The following FAM200B variants were observed in gnomAD, a reference collection of about 807,000 sequenced individuals.
FAM200B encodes protein FAM200B.
FAM200B carries 32 observed loss-of-function variants against 33.1 expected under a neutral mutation model. That is an observed-to-expected ratio of 0.97 (90% confidence interval 0.73 to 1.30). FAM200B has a LOEUF of 1.30. FAM200B is among the 50% of genes most tolerant of loss of function. FAM200B has a pLI of 0.00. For synonymous variants in FAM200B, 240 were observed against 264.8 expected (o/e 0.91, Z 0.91); for missense variants, 741 against 754.0 (o/e 0.98, Z 0.20).
At chr4:15,641,291 C>T in the FAM200B span, among the ~76,000 whole-genome samples, 1 of 152,084 alleles carries the variant, frequency 6.6e-6, no homozygotes, top group African/African-American at 2.4e-5. Context: ...ATAGTTGACC[C>T]TTGAACAACA....
chr4:15,656,290 ACT>A, the FAM200B span: 80 of 455,916 alleles, frequency 1.8e-4, no homozygotes, highest in African/African-American at 8.8e-4. Context: ...CCTCCTGGAG[ACT>A]CTGTTCTCTG....
Position 15,688,971 on chromosome 4 carries a change from G to C in FAM200B, c.*20G>C, listed in dbSNP as rs941765612. The C allele has an allele frequency of 2.2e-6, 3 of 1,382,512 alleles. No homozygotes were observed. The highest frequency in any genetic ancestry group is 3.8e-5 in the South Asian group (2 of 52,318). 85.6% of individuals were successfully genotyped at this position (1,382,512 alleles called of 1,614,324 possible). On this transcript the variant is annotated 3_prime_UTR_variant, in exon 2 of 2. Transcript: ENST00000422728. ...TCATAGTAAATAAAAATCTTACCTA[G>C]CTTTTGTCTTTGTATTTCTTATTTT...
At chr4:15,670,313 T>C in the FAM200B span, among the ~76,000 whole-genome samples, 1 of 152,250 alleles carries the variant, frequency 6.6e-6, no homozygotes, top group African/African-American at 2.4e-5. Context: ...GTATGATAGA[T>C]ACGTTTAACT....
rs956416918 is a variant in FAM200B, at chr4:15,686,987, T to G, written c.10T>G (p.Phe4Val). ...ACAAATTGCTATTAAAATGGATCAT[T>G]TCTTTATTAAAAGAAAGAGGAATAG... MDH[F>V]FIKRKRNSEV... is the part of the protein sequence containing the mutation. The change falls in exon 2 of 2, where the codon TTC (phenylalanine) becomes GTC (valine). Residue 4 changes from phenylalanine to valine, a missense_variant. Coordinates refer to ENST00000422728, the MANE Select transcript of FAM200B (RefSeq NM_001145191.2). 7.2e-7 allele frequency: 1 copy of G among 1,390,342 alleles called. No individual in the cohort carries two copies. Among genetic ancestry groups the G allele is most frequent in the African/African-American group, 1.5e-5 (1 of 67,860 alleles). 86.1% of individuals were successfully genotyped at this position (1,390,342 alleles called of 1,614,324 possible).
the FAM200B span, among the ~76,000 whole-genome samples, chr4:15,674,654 G>A: frequency 7.0e-6 from 1 of 142,044 alleles, no homozygotes. Context: ...GGATTTTTGG[G>A]TTTTTTTTTT....
At chr4:15,637,078 T>C in the FAM200B span, among the ~76,000 whole-genome samples, 2 of 152,240 alleles carry the variant, frequency 1.3e-5, no homozygotes, top group Non-Finnish European at 2.9e-5. Flanking sequence ...GCATTTTTAA[T>C]GACACACACA....
chr4:15,641,487 T>C, the FAM200B span: 1 of 369,288 alleles, frequency 2.7e-6, no homozygotes, highest in Non-Finnish European at 5.2e-6. Context: ...TTTTCTTCCG[T>C]ATGATGTTCT....
At position 15,689,777 on chromosome 4, in the gene FAM200B, G is replaced by C. The variant is rs540516934; in HGVS notation, c.*826G>C. ...GAGCAACAGAGTGAAACCCTGTCTC[G>C]AGAAAATTAAATGTTACTTCCCTAA... On this transcript the variant is annotated 3_prime_UTR_variant, in exon 2 of 2. Coordinates refer to ENST00000422728, the MANE Select transcript of FAM200B (RefSeq NM_001145191.2). 6.1e-6 allele frequency: 1 copy of C among 165,260 alleles called. No individual in the cohort carries two copies. Among genetic ancestry groups the C allele is most frequent in the Non-Finnish European group, 1.5e-5 (1 of 68,076 alleles). The allele number at this position is 165,260 out of a possible 1,614,324, so 10.2% of individuals were successfully genotyped here.
At chr4:15,650,621 T>A in the FAM200B span, among the ~76,000 whole-genome samples, 4 of 151,092 alleles carry the variant, frequency 2.6e-5, no homozygotes, top group Admixed American at 2.6e-4. Context: ...AATAGTAACA[T>A]GATATCTTCC....
rs533273316 is a variant in FAM200B at position 15,688,867 on chromosome 4, T to C, written c.1890T>C (p.Asn630=). 67 of 1,551,418 alleles carry C rather than the reference T, an allele frequency of 4.3e-5. No individual in the cohort carries two copies. In the South Asian group the frequency reaches 6.1e-4, roughly 14 times the overall value. Residue 630 remains asparagine, a synonymous_variant, in exon 2 of 2, where the codon AAT becomes AAC. Coordinates refer to ENST00000422728, the MANE Select transcript of FAM200B (RefSeq NM_001145191.2). ...AAACAAAGGAAAGAAATGGGCTGAA[T>C]TGTGCAGCAGTTATGCGGGTAGCAT... is the stretch of plus-strand genomic sequence containing the variant. ...QLKTKERNGL[N]CAAVMRVALS...
At chr4:15,636,945 C>T in the FAM200B span, among the ~76,000 whole-genome samples, 1 of 152,102 alleles carries the variant, frequency 6.6e-6, no homozygotes, top group Non-Finnish European at 1.5e-5. Context: ...CTTACAAAGG[C>T]ATCACAGAAA....
At chr4:15,677,412 G>C (rs73243131), upstream of FAM200B, among the ~76,000 whole-genome samples, 13,738 of 152,162 alleles carry the variant, frequency 0.09, 783 homozygotes, top group Non-Finnish European at 0.13. Context: ...TGACTCATAG[G>C]GGTTGGGAGA....
chr4:15,657,887 T>C, the FAM200B span, among the ~76,000 whole-genome samples: 2 of 152,168 alleles, frequency 1.3e-5, no homozygotes, highest in African/African-American at 4.8e-5. Flanking sequence ...TGAGACCTTT[T>C]TGGATGTATG....
the FAM200B span, among the ~76,000 whole-genome samples, chr4:15,672,825 C>T: frequency 1.3e-5 from 2 of 152,016 alleles, no homozygotes; most frequent in African/African-American, 4.8e-5. Context: ...CTTTTTGACT[C>T]TCTTGTAATA....
chr4:15,673,800 C>G, the FAM200B span, among the ~76,000 whole-genome samples: 1 of 152,154 alleles, frequency 6.6e-6, no homozygotes, highest in African/African-American at 2.4e-5. Context: ...TCACCAGGCT[C>G]CAGGCTCTAT....
chr4:15,671,391 TTTTATC>T, the FAM200B span, among the ~76,000 whole-genome samples: 1 of 152,068 alleles, frequency 6.6e-6, no homozygotes, highest in African/African-American at 2.4e-5. Flanking sequence ...CCATTTAAGA[TTTTATC>T]TTTATCACTG....
At chr4:15,670,212 A>C in the FAM200B span, among the ~76,000 whole-genome samples, 4 of 152,236 alleles carry the variant, frequency 2.6e-5, no homozygotes, top group Non-Finnish European at 5.9e-5. Context: ...GGTCATTACA[A>C]ATAGAGCTAC....
chr4:15,643,036 T>C, the FAM200B span, among the ~76,000 whole-genome samples: 1 of 152,300 alleles, frequency 6.6e-6, no homozygotes, highest in East Asian at 1.9e-4. Context: ...TAGTTCAGAT[T>C]TGTCGAAGGT....
At chr4:15,655,722 C>G in the FAM200B span, among the ~76,000 whole-genome samples, 2 of 152,334 alleles carry the variant, frequency 1.3e-5, no homozygotes, top group Admixed American at 6.5e-5. Context: ...GTCAGGGCCG[C>G]GAGCTCTGCT....
Sources: gnomAD v4.1 joint callset for allele counts (sites outside exome capture counted in the v4.1 genomes callset) on GRCh38, gnomAD v4.1.1 for gene constraint, MANE v1.5 for transcripts, NCBI Gene and HGNC (gene_info 2026-07-23, HGNC 2026-07-21) for gene names.